Variants in TRPM3 observed in about 807,000 individuals in gnomAD.
TRPM3 encodes long transient receptor potential channel 3.
Under a neutral mutation model 181.2 loss-of-function variants are expected in TRPM3, and 77 were observed. That is an observed-to-expected ratio of 0.42 (90% CI 0.35 to 0.51). TRPM3 has a LOEUF of 0.51. TRPM3 is among the 20% of genes least tolerant of loss of function. The pLI is 0.01. For missense variants in TRPM3, 1,759 were observed against 2,196.7 expected (o/e 0.80, Z 3.98); for synonymous variants, 745 against 796.4 (o/e 0.94, Z 1.09).
intron 1 of TRPM3, among the ~76,000 whole-genome samples, chr9:71,016,620 C>A (rs1042970728): frequency 3.3e-5 from 5 of 152,102 alleles, no homozygotes; most frequent in Non-Finnish European, 7.4e-5. Context: ...GAATGATATG[C>A]CATTATGTGT....
chr9:70,545,947 G>C (rs1400626772), intron 25 of TRPM3, among the ~76,000 whole-genome samples: 1 of 152,092 alleles, frequency 6.6e-6, no homozygotes, highest in Non-Finnish European at 1.5e-5. Flanking sequence ...ATCAAGGTTG[G>C]GTGTAACCAG....
upstream of TRPM3, among the ~76,000 whole-genome samples, chr9:71,125,687 T>C (rs1385594317): frequency 6.6e-6 from 1 of 152,178 alleles, no homozygotes; most frequent in East Asian, 1.9e-4. Context: ...ATAGAATGAT[T>C]TATATTTTGG....
At chr9:71,403,661 T>C (rs1267739469) in intron 1 of TRPM3, among the ~76,000 whole-genome samples, 1 of 152,080 alleles carries the variant, frequency 6.6e-6, no homozygotes, top group Non-Finnish European at 1.5e-5. Context: ...GCATAAAGAA[T>C]TAAAGTGAAG....
chr9:71,352,085 C>G (rs565597761), intron 1 of TRPM3, among the ~76,000 whole-genome samples: 1 of 152,032 alleles, frequency 6.6e-6, no homozygotes, highest in Admixed American at 6.6e-5. Context: ...CCGTGTTAGC[C>G]AGGATGGTCT....
At chr9:70,850,967 A>G (rs1446398397) in intron 3 of TRPM3, among the ~76,000 whole-genome samples, 2 of 152,244 alleles carry the variant, frequency 1.3e-5, no homozygotes, top group Admixed American at 6.5e-5. Context: ...AAAAGCATCT[A>G]AAGTATAAAA....
chr9:71,032,020 TA>T (rs375300563), intron 1 of TRPM3, among the ~76,000 whole-genome samples: 1 of 180 alleles, frequency 5.6e-3, no homozygotes, highest in African/African-American at 0.023. Context: ...ATATAATATA[TA>T]TATATAATAT....
At chr9:71,268,682 C>T (rs2083559884) in intron 1 of TRPM3, among the ~76,000 whole-genome samples, 1 of 151,922 alleles carries the variant, frequency 6.6e-6, no homozygotes, top group Non-Finnish European at 1.5e-5. Flanking sequence ...ATTAGCCAGG[C>T]ATGATGGCAG....
At chr9:71,059,338 TCTGG>T (rs1329449196) in intron 1 of TRPM3, among the ~76,000 whole-genome samples, 2 of 151,950 alleles carry the variant, frequency 1.3e-5, no homozygotes, top group Non-Finnish European at 2.9e-5. Flanking sequence ...GTCAGTATAG[TCTGG>T]CTATTTATTA....
intron 1 of TRPM3, among the ~76,000 whole-genome samples, chr9:70,895,801 A>G (rs7868074): frequency 0.32 from 49,175 of 152,026 alleles, 9,277 homozygotes; most frequent in Admixed American, 0.42. Context: ...ACTCACCCTC[A>G]AAACAACCCA....
chr9:71,197,989 G>A (rs1316144729), intron 1 of TRPM3, among the ~76,000 whole-genome samples: 1 of 151,234 alleles, frequency 6.6e-6, no homozygotes, highest in Admixed American at 6.6e-5. Context: ...TTCTTCTAGG[G>A]TTTTTATGGT....
intron 1 of TRPM3, among the ~76,000 whole-genome samples, chr9:71,052,086 G>A (rs993065092): frequency 3.9e-5 from 6 of 152,028 alleles, no homozygotes; most frequent in Non-Finnish European, 8.8e-5. Flanking sequence ...GTTCACACAG[G>A]TAGTTAATGG....
intron 1 of TRPM3, among the ~76,000 whole-genome samples, chr9:71,420,661 GAGAA>G (rs374956004): frequency 0.022 from 2,796 of 127,062 alleles, 79 homozygotes; most frequent in African/African-American, 0.037. Flanking sequence ...GAAAGAAAAA[GAGAA>G]AGAAAGAGAG....
chr9:70,982,555 A>G (rs1360969103), intron 1 of TRPM3, among the ~76,000 whole-genome samples: 2 of 152,194 alleles, frequency 1.3e-5, no homozygotes, highest in Non-Finnish European at 2.9e-5. Context: ...AACACCTTTC[A>G]AATGGATCCT....
rs186771174 is a variant in TRPM3 at position 71,166,973 on chromosome 9, A to C, written c.183+279680T>G. On this transcript the variant is annotated intron_variant, in intron 1 of 24. Coordinates refer to the TRPM3 transcript ENST00000357533. ...TCCCAGGTACTGTCAACACCATTAT[A>C]ATTTCTTACTATCTTGTTTGAGAAA... Among the ~76,000 whole-genome samples, 59 of 152,326 alleles carry C rather than the reference A, an allele frequency of 3.9e-4. 1 individual carries two copies. Among genetic ancestry groups the C allele is most frequent in the African/African-American group, 1.4e-3 (59 of 41,582 alleles).
intron 1 of TRPM3, among the ~76,000 whole-genome samples, chr9:70,883,569 A>G (rs930091475): frequency 6.6e-6 from 1 of 152,150 alleles, no homozygotes; most frequent in Non-Finnish European, 1.5e-5. Context: ...TCCCATTCCA[A>G]TTCTCATCAA....
intron 1 of TRPM3, among the ~76,000 whole-genome samples, chr9:71,431,074 T>A (rs2093947221): frequency 6.6e-6 from 1 of 152,176 alleles, no homozygotes; most frequent in Non-Finnish European, 1.5e-5. Flanking sequence ...TTGGCTTGAC[T>A]CTATTCTAAC....
chr9:71,286,992 T>TATTATATA (rs1554863832), intron 1 of TRPM3, among the ~76,000 whole-genome samples: 3 of 140,696 alleles, frequency 2.1e-5, no homozygotes, highest in Non-Finnish European at 3.0e-5. Context: ...TATATAATTA[T>TATTATATA]ATTATATAAT....
intron 1 of TRPM3, among the ~76,000 whole-genome samples, chr9:71,382,996 T>C (rs770754579): frequency 2.6e-5 from 4 of 152,176 alleles, no homozygotes; most frequent in Non-Finnish European, 5.9e-5. Flanking sequence ...CAAAACAATA[T>C]TGTATGCTCT....
intron 1 of TRPM3, among the ~76,000 whole-genome samples, chr9:71,352,487 T>A (rs1193653309): frequency 2.6e-5 from 4 of 151,954 alleles, no homozygotes; most frequent in East Asian, 1.9e-4. Flanking sequence ...GAAAAAAAAA[T>A]GGGATATGCT....
Sources: gnomAD v4.1 joint callset for allele counts (sites outside exome capture counted in the v4.1 genomes callset) on GRCh38, gnomAD v4.1.1 for gene constraint, MANE v1.5 for transcripts, NCBI Gene and HGNC (gene_info 2026-07-23, HGNC 2026-07-21) for gene names.